ARMC7: variants seen among roughly 807,000 people sequenced by gnomAD.
ARMC7 encodes armadillo repeat-containing protein 7.
In ARMC7, 9 loss-of-function variants were observed where a neutral mutation model predicts 14.8. The observed-to-expected ratio is 0.61, with a 90% CI of 0.37 to 1.06. The LOEUF is 1.06. Among genes scored for constraint, ARMC7 ranks in the 50% least tolerant of loss-of-function variants. The pLI is 0.01. For missense variants in ARMC7, 262 were observed against 267.1 expected (o/e 0.98, Z 0.13); for synonymous variants, 125 against 123.4 (o/e 1.01, Z -0.09).
At chr17:75,116,973 G>T (rs1353850848) in intron 2 of ARMC7, among the ~76,000 whole-genome samples, 1 of 152,212 alleles carries the variant, frequency 6.6e-6, no homozygotes, top group Non-Finnish European at 1.5e-5. Flanking sequence ...CTCTCTGAGG[G>T]CTGGAAGCTG....
chr17:75,110,178 C>T lies in ARMC7; in HGVS notation c.-111C>T, dbSNP rs925662794. 36 of 1,055,550 alleles carry T rather than the reference C, an allele frequency of 3.4e-5. No individual in the cohort carries two copies. Among genetic ancestry groups the T allele is most frequent in the Admixed American group, 3.2e-4 (11 of 34,624 alleles). 65.4% of individuals were successfully genotyped at this position (1,055,550 alleles called of 1,614,324 possible). On this transcript the variant is annotated 5_prime_UTR_variant, in exon 1 of 3. Coordinates refer to ENST00000245543, the MANE Select transcript of ARMC7 (RefSeq NM_024585.4). Reference sequence around the variant, plus strand: ...CAGGAAAGAAACCCATTTGCCGACCCCCTCTTCCCTCTCCAGACAGGTGGA... The same window carrying T: ...CAGGAAAGAAACCCATTTGCCGACCTCCTCTTCCCTCTCCAGACAGGTGGA...
At chr17:75,128,625 T>C in intron 2 of ARMC7, 52 bp from the exon 3 acceptor site, 2 of 1,559,982 alleles carry the variant, frequency 1.3e-6, no homozygotes, top group Non-Finnish European at 1.7e-6. Context: ...GCAGGGGAGG[T>C]GGGAGGAGGC....
At position 75,129,036 on chromosome 17, in the gene ARMC7, T is replaced by G. The variant is rs1385037844; in HGVS notation, c.595T>G (p.Ter199GlyextTer18). Residue 199 changes from the stop codon to glycine, a stop_lost, in exon 3 of 3, where the codon TGA (stop) becomes GGA (glycine). Coordinates refer to ENST00000245543, the MANE Select transcript of ARMC7 (RefSeq NM_024585.4). The part of the protein sequence containing the change: ...LPRSVAPRQR[*>G] The stretch of plus-strand genomic sequence containing the variant: ...GAGGAGCGTGGCCCCACGGCAGCGC[T>G]GATCCATGGAGACTGCGAGACCGTG... 2.5e-6 allele frequency: 4 copies of G among 1,594,946 alleles called. No homozygotes were observed. Among genetic ancestry groups the G allele is most frequent in the African/African-American group, 1.3e-5 (1 of 74,826 alleles).
At position 75,112,756 on chromosome 17, in the gene ARMC7, T is replaced by A. The variant is rs553448115; in HGVS notation, c.235+2150T>A. Among the ~76,000 whole-genome samples, 610 of 130,734 alleles carry A rather than the reference T, an allele frequency of 4.7e-3. 5 individuals carry two copies. The highest frequency in any genetic ancestry group is 0.015 in the African/African-American group (567 of 39,066). 85.8% of individuals were successfully genotyped at this position (130,734 alleles called of 152,430 possible). On this transcript the variant is annotated intron_variant, in intron 2 of 2. Coordinates refer to ENST00000245543, the MANE Select transcript of ARMC7 (RefSeq NM_024585.4). Reference sequence around the variant, plus strand: ...ATGCCCAGCTAATTTTTTTTTTTTTTAATTTTTTGTTGTGACAGGATCTCA... The same window carrying A: ...ATGCCCAGCTAATTTTTTTTTTTTTAAATTTTTTGTTGTGACAGGATCTCA...
chr17:75,126,688 TCTC>T (rs1356407757), intron 2 of ARMC7, among the ~76,000 whole-genome samples: 3 of 151,174 alleles, frequency 2.0e-5, no homozygotes, highest in African/African-American at 7.3e-5. Context: ...TTCAAGCAAC[TCTC>T]CTGCCTAAGC....
At chr17:75,119,661 C>T (rs929256571) in intron 2 of ARMC7, among the ~76,000 whole-genome samples, 18 of 149,972 alleles carry the variant, frequency 1.2e-4, no homozygotes, top group Non-Finnish European at 1.9e-4. Context: ...AGGGTTTCAC[C>T]GTGTTAGCCA....
chr17:75,124,305 G>A (rs1000256299), intron 2 of ARMC7, among the ~76,000 whole-genome samples: 3 of 152,190 alleles, frequency 2.0e-5, no homozygotes, highest in Non-Finnish European at 4.4e-5. Flanking sequence ...GCAGGCACCC[G>A]GTCCATCCTT....
chr17:75,112,573 C>CTTTTTT (rs549730217), intron 2 of ARMC7, among the ~76,000 whole-genome samples: 80 of 100,414 alleles, frequency 8.0e-4, no homozygotes, highest in African/African-American at 8.8e-4. Context: ...TTCTCTTTTT[C>CTTTTTT]TTTTTTTTTT....
At chr17:75,128,053 C>CGT in intron 2 of ARMC7, among the ~76,000 whole-genome samples, 1 of 151,908 alleles carries the variant, frequency 6.6e-6, no homozygotes, top group East Asian at 1.9e-4. Flanking sequence ...GGTGATGATA[C>CGT]ATTACAGGGT....
chr17:75,117,471 T>C (rs767727188), intron 2 of ARMC7, among the ~76,000 whole-genome samples: 40 of 152,148 alleles, frequency 2.6e-4, no homozygotes, highest in Admixed American at 1.3e-4. Flanking sequence ...GTTAAGGGTG[T>C]TCAAAGGCAG....
At chr17:75,111,496 C>A (rs1253268893) in intron 2 of ARMC7, among the ~76,000 whole-genome samples, 1 of 150,732 alleles carries the variant, frequency 6.6e-6, no homozygotes, top group Non-Finnish European at 1.5e-5. Context: ...TTAATCTCAG[C>A]ACTTTGTGAG....
intron 2 of ARMC7, among the ~76,000 whole-genome samples, chr17:75,122,709 C>G (rs1458153354): frequency 2.6e-5 from 4 of 152,020 alleles, no homozygotes; most frequent in Admixed American, 2.6e-4. Context: ...TAACGTTTTC[C>G]TATTTATTAA....
At chr17:75,127,165 G>C (rs961979269) in intron 2 of ARMC7, among the ~76,000 whole-genome samples, 1 of 151,994 alleles carries the variant, frequency 6.6e-6, no homozygotes, top group Admixed American at 6.6e-5. Flanking sequence ...CTTAAAGCCG[G>C]AAGTTCAAGA....
chr17:75,128,583 C>T (rs1179385016), intron 2 of ARMC7, 94 bp from the exon 3 acceptor site: 2 of 1,497,508 alleles, frequency 1.3e-6, no homozygotes, highest in African/African-American at 1.4e-5. Context: ...GCCAGCTTCT[C>T]AACAGCCTGG....
At chr17:75,123,307 C>G (rs1440499728) in intron 2 of ARMC7, among the ~76,000 whole-genome samples, 1 of 150,710 alleles carries the variant, frequency 6.6e-6, no homozygotes, top group East Asian at 2.0e-4. Flanking sequence ...CTCGGCCTCC[C>G]AAAGTGCTGG....
Position 75,110,578 on chromosome 17 carries a change from G to A in ARMC7, c.207G>A (p.Glu69=), listed in dbSNP as rs773110927. The change falls in exon 2 of 3, where the codon GAG becomes GAA. Residue 69 remains glutamate, a synonymous_variant. Coordinates refer to ENST00000245543, the MANE Select transcript of ARMC7 (RefSeq NM_024585.4). ...TATTTCTCGATTCGCTGTCGGAGGA[G>A]AATGAGACCCTGGTGGAGTTTGCTA... ...LDLFLDSLSE[E]NETLVEFAIG... 35 of 1,614,242 alleles carry A rather than the reference G, an allele frequency of 2.2e-5. No individual in the cohort carries two copies. The East Asian group carries it at 7.6e-4, about 35-fold the overall frequency.
chr17:75,123,763 T>C (rs890150392), intron 2 of ARMC7, among the ~76,000 whole-genome samples: 3 of 151,906 alleles, frequency 2.0e-5, no homozygotes, highest in Non-Finnish European at 2.9e-5. Flanking sequence ...AATACAAAAT[T>C]AGCTGGGCGT....
rs11870770 is a variant in ARMC7, at chr17:75,113,800, A to C, written c.235+3194A>C. Among the ~76,000 whole-genome samples, 862 of 152,142 alleles carry C rather than the reference A, an allele frequency of 5.7e-3. 10 individuals are homozygous for C. Among genetic ancestry groups the C allele is most frequent in the African/African-American group, 0.02 (813 of 41,492 alleles). ...CCAGCACATGTGTGTGCGGATTCAC[A>C]CCCCCACAGACAGCTGCCCCTTGGC... On this transcript the variant is annotated intron_variant, in intron 2 of 2. Coordinates refer to ENST00000245543, the MANE Select transcript of ARMC7 (RefSeq NM_024585.4).
chr17:75,130,263 G>A lies in ARMC7; in HGVS notation c.*1225G>A. 3.5e-6 allele frequency: 2 copies of A among 575,708 alleles called. No individual in the cohort carries two copies. Among genetic ancestry groups the A allele is most frequent in the Non-Finnish European group, 6.2e-6 (2 of 323,468 alleles). 35.7% of individuals were successfully genotyped at this position (575,708 alleles called of 1,614,324 possible). A position where few individuals can be genotyped will look rare whatever the true frequency, so the allele number is the denominator to read the frequency against. ...AGGTCTTTTATTAAAGGTCCCGACTGGTTTTCCCACTGTATTTCCATGCCA... is the reference window on the plus strand; with the variant it reads ...AGGTCTTTTATTAAAGGTCCCGACTAGTTTTCCCACTGTATTTCCATGCCA... On this transcript the variant is annotated 3_prime_UTR_variant, in exon 3 of 3. Transcript: ENST00000245543.
Sources: gnomAD v4.1 joint callset for allele counts (sites outside exome capture counted in the v4.1 genomes callset) on GRCh38, gnomAD v4.1.1 for gene constraint, MANE v1.5 for transcripts, NCBI Gene and HGNC (gene_info 2026-07-23, HGNC 2026-07-21) for gene names.